The following SPTLC2 variants were observed in gnomAD, a reference collection of about 807,000 sequenced individuals.
SPTLC2 encodes serine palmitoyltransferase long chain base subunit 2.
A neutral mutation model predicts 62.0 loss-of-function variants in SPTLC2; 21 were observed. That is an observed-to-expected ratio of 0.34 (90% CI 0.24 to 0.49). The LOEUF (loss-of-function observed/expected upper bound fraction) is 0.49, where lower values mean the gene tolerates loss of function less well. SPTLC2 is among the 20% of genes least tolerant of loss of function. The pLI, the probability that SPTLC2 is intolerant of heterozygous loss-of-function variation, is 0.99. For synonymous variants in SPTLC2, 261 were observed against 261.8 expected, an observed-to-expected ratio of 1.00 and a Z score of 0.03; for missense variants, 511 against 713.0, an observed-to-expected ratio of 0.72 and a Z score of 3.23.
chr14:77,600,686 T>C (rs2079872391), intron 1 of SPTLC2, among the ~76,000 whole-genome samples: 1 of 152,214 alleles, frequency 6.6e-6, no homozygotes, highest in Admixed American at 6.5e-5. Flanking sequence ...AATGTGACAC[T>C]ATATTAGCAT....
intron 1 of SPTLC2, among the ~76,000 whole-genome samples, chr14:77,601,381 G>A (rs2079876452): frequency 6.6e-6 from 1 of 152,110 alleles, no homozygotes; most frequent in African/African-American, 2.4e-5. Flanking sequence ...TACTTTGTGA[G>A]ATCCACCCGC....
intron 9 of SPTLC2, chr14:77,547,716 T>C (rs1471542616): frequency 1.3e-5 from 2 of 152,096 alleles, no homozygotes; most frequent in Admixed American, 6.6e-5. Flanking sequence ...GGTCCCCTAC[T>C]TCTGGGAGGT....
At position 77,557,103 on chromosome 14, in the gene SPTLC2, A is replaced by G. The variant is rs1265557412; in HGVS notation, c.894T>C (p.Tyr298=). ...LEKLLKDAIV[Y]GQPRTRRPWK... is the part of the protein sequence containing the mutation. The stretch of plus-strand genomic sequence containing the variant: ...AGGGCCTTCGTGTCCGAGGCTGACC[A>G]TAAACAATGGCATCTTTCAATAGCT... Residue 298 remains tyrosine (Y), a synonymous_variant, in exon 7 of 12, where the codon TAT becomes TAC. Transcript: ENST00000216484. 1 of 1,613,868 alleles carries G rather than the reference A, an allele frequency of 6.2e-7. No homozygotes were observed. Among genetic ancestry groups the G allele is most frequent in the Non-Finnish European group, 8.5e-7 (1 of 1,180,052 alleles).
In SPTLC2 at chr14:77,562,367, G is replaced by C. The variant is rs936105123; in HGVS notation, c.850+29C>G. 2.5e-6 allele frequency: 4 copies of C among 1,596,696 alleles called. No individual in the cohort carries two copies. In the South Asian group the frequency reaches 4.4e-5, roughly 18 times the overall value. On this transcript the variant is annotated intron_variant, in intron 6 of 11. Transcript: ENST00000216484. Reference sequence around the variant, plus strand: ...GGATCGAAAGAATAGCAAAACCAAGGCCAGCAGTGAATTCTTCAGCAAACT... The same window carrying C: ...GGATCGAAAGAATAGCAAAACCAAGCCCAGCAGTGAATTCTTCAGCAAACT...
At chr14:77,517,766 T>C (rs2079366129) in intron 11 of SPTLC2, among the ~76,000 whole-genome samples, 1 of 152,130 alleles carries the variant, frequency 6.6e-6, no homozygotes, top group South Asian at 2.1e-4. Context: ...AAGCTTAATG[T>C]AGAAATAGCT....
chr14:77,555,261 G>T, intron 8 of SPTLC2, 39 bp downstream of exon 8: 1 of 1,611,918 alleles, frequency 6.2e-7, no homozygotes, highest in South Asian at 1.1e-5. Flanking sequence ...AATTGCCAGT[G>T]ACTTTATCTC....
At chr14:77,596,742 T>C (rs1283917904) in intron 2 of SPTLC2, among the ~76,000 whole-genome samples, 1 of 152,242 alleles carries the variant, frequency 6.6e-6, no homozygotes, top group African/African-American at 2.4e-5. Context: ...ATGTATAATG[T>C]ATCTATGAGA....
At chr14:77,544,080 T>C (rs1645483484) in intron 9 of SPTLC2, among the ~76,000 whole-genome samples, 1 of 152,172 alleles carries the variant, frequency 6.6e-6, no homozygotes, top group African/African-American at 2.4e-5. Flanking sequence ...CAAGCTGGAA[T>C]GCAGTGGTGT....
chr14:77,558,798 T>C (rs1384464111), intron 6 of SPTLC2, among the ~76,000 whole-genome samples: 2 of 151,614 alleles, frequency 1.3e-5, no homozygotes, highest in Non-Finnish European at 2.9e-5. Flanking sequence ...ATTTTTGTAT[T>C]TTTAGTAGAG....
chr14:77,589,518 G>A (rs190342573), intron 2 of SPTLC2, among the ~76,000 whole-genome samples: 1 of 150,634 alleles, frequency 6.6e-6, no homozygotes, highest in African/African-American at 2.4e-5. Flanking sequence ...GGCCAGGCAC[G>A]GTGGCTCATG....
intron 2 of SPTLC2, among the ~76,000 whole-genome samples, chr14:77,592,141 C>CTT (rs913202292): frequency 1.4e-5 from 2 of 143,436 alleles, no homozygotes; most frequent in Non-Finnish European, 3.1e-5. Flanking sequence ...TAGTACGCTA[C>CTT]TTTTTTTTTT....
chr14:77,600,960 G>T (rs1485886368), intron 1 of SPTLC2, among the ~76,000 whole-genome samples: 3 of 151,884 alleles, frequency 2.0e-5, no homozygotes, highest in African/African-American at 7.3e-5. Flanking sequence ...AAGCAATAAT[G>T]GGAAAGTATA....
intron 1 of SPTLC2, among the ~76,000 whole-genome samples, chr14:77,613,811 G>A (rs1303367449): frequency 6.6e-6 from 1 of 152,196 alleles, no homozygotes; most frequent in African/African-American, 2.4e-5. Context: ...GGGAAAGATA[G>A]GTAGAGGTTG....
intron 8 of SPTLC2, among the ~76,000 whole-genome samples, chr14:77,553,234 A>G (rs2079564690): frequency 6.6e-6 from 1 of 152,212 alleles, no homozygotes; most frequent in Non-Finnish European, 1.5e-5. Context: ...TTAGGGGGAC[A>G]CAAATGTGGC....
At chr14:77,597,067 T>A in intron 2 of SPTLC2, 119 bp downstream of exon 2, 1 of 948,968 alleles carries the variant, frequency 1.1e-6, no homozygotes, top group Non-Finnish European at 1.6e-6. Context: ...TTTAACTGCA[T>A]CTGGAATAGT....
chr14:77,563,595 T>C (rs897933089), intron 5 of SPTLC2, among the ~76,000 whole-genome samples: 2 of 152,096 alleles, frequency 1.3e-5, no homozygotes, highest in Non-Finnish European at 2.9e-5. Flanking sequence ...CCAGCTAATA[T>C]TTGTATTTTT....
chr14:77,520,598 C>T (rs775202247), intron 10 of SPTLC2, among the ~76,000 whole-genome samples: 1 of 152,238 alleles, frequency 6.6e-6, no homozygotes, highest in African/African-American at 2.4e-5. Context: ...TCTACATCTT[C>T]AGGGCCACTT....
At chr14:77,568,724 C>T (rs1050612483) in intron 5 of SPTLC2, among the ~76,000 whole-genome samples, 3 of 149,194 alleles carry the variant, frequency 2.0e-5, no homozygotes, top group African/African-American at 7.4e-5. Context: ...AGGAGAATGG[C>T]GTGAACCCGG....
At chr14:77,575,530 G>T (rs2079710414) in intron 4 of SPTLC2, among the ~76,000 whole-genome samples, 1 of 151,946 alleles carries the variant, frequency 6.6e-6, no homozygotes, top group Non-Finnish European at 1.5e-5. Flanking sequence ...CTTTCAACTG[G>T]GTATCCTTGT....
Sources: gnomAD v4.1 joint callset for allele counts (sites outside exome capture counted in the v4.1 genomes callset) on GRCh38, gnomAD v4.1.1 for gene constraint, MANE v1.5 for transcripts, NCBI Gene and HGNC (gene_info 2026-07-23, HGNC 2026-07-21) for gene names.